Variants in PTPRR observed in about 807,000 individuals in gnomAD.
PTPRR encodes the protein protein tyrosine phosphatase receptor type R, also known as receptor-type tyrosine-protein phosphatase R.
Under a neutral mutation model 77.2 loss-of-function variants are expected in PTPRR, and 38 were observed. That is an observed-to-expected ratio of 0.49 (90% confidence interval 0.38 to 0.65). The LOEUF (loss-of-function observed/expected upper bound fraction) is 0.65, where lower values mean the gene tolerates loss of function less well. PTPRR is among the 30% of genes least tolerant of loss of function. The pLI, the probability that PTPRR is intolerant of heterozygous loss-of-function variation, is 0.00. For synonymous variants in PTPRR, 299 were observed against 283.1 expected, an observed-to-expected ratio of 1.06 and a Z score of -0.57; for missense variants, 744 against 799.2, an observed-to-expected ratio of 0.93 and a Z score of 0.83.
At chr12:70,751,295 T>G (rs796994384) in intron 5 of PTPRR, among the ~76,000 whole-genome samples, 18 of 152,076 alleles carry the variant, frequency 1.2e-4, no homozygotes, top group African/African-American at 4.3e-4. Context: ...TTCAAATAGA[T>G]CTCAATCCTT....
chr12:70,771,571 G>T (rs938518668), intron 2 of PTPRR, among the ~76,000 whole-genome samples: 3 of 152,102 alleles, frequency 2.0e-5, no homozygotes, highest in African/African-American at 7.2e-5. Context: ...TAAAAAGATG[G>T]TATATTATAT....
At chr12:70,917,468 C>G (rs7302918) in intron 1 of PTPRR, among the ~76,000 whole-genome samples, 88,197 of 151,972 alleles carry the variant, frequency 0.58, 27,612 homozygotes, top group African/African-American at 0.83. Flanking sequence ...TGGACAATAA[C>G]CACAACTTCC....
At chr12:70,701,362 CTTATT>C (rs1592685984) in intron 6 of PTPRR, 39 bp from the exon 7 acceptor site, 1 of 1,575,454 alleles carries the variant, frequency 6.3e-7, no homozygotes, top group African/African-American at 1.4e-5. Context: ...ACACCACATA[CTTATT>C]TTGATTGCAA....
intron 2 of PTPRR, among the ~76,000 whole-genome samples, chr12:70,809,296 C>A (rs1338058989): frequency 6.6e-6 from 1 of 152,098 alleles, no homozygotes; most frequent in Non-Finnish European, 1.5e-5. Flanking sequence ...AAGGCAAATG[C>A]AAAGGATGGA....
At chr12:70,816,680 C>A (rs555307308) in intron 2 of PTPRR, among the ~76,000 whole-genome samples, 89 of 151,860 alleles carry the variant, frequency 5.9e-4, no homozygotes, top group African/African-American at 2.1e-3. Flanking sequence ...CATCCAGAAA[C>A]CACAGGTCTA....
intron 2 of PTPRR, among the ~76,000 whole-genome samples, chr12:70,888,211 A>G (rs977052381): frequency 6.6e-6 from 1 of 152,222 alleles, no homozygotes; most frequent in Non-Finnish European, 1.5e-5. Flanking sequence ...TGTAACAATT[A>G]TATGAGATAA....
At chr12:70,649,571 C>A (rs1886320062) in intron 13 of PTPRR, among the ~76,000 whole-genome samples, 2 of 152,048 alleles carry the variant, frequency 1.3e-5, no homozygotes, top group African/African-American at 2.4e-5. Context: ...TTGGTTCCAC[C>A]ATTCCTTTCC....
intron 2 of PTPRR, among the ~76,000 whole-genome samples, chr12:70,841,196 C>G (rs1381458060): frequency 6.6e-6 from 1 of 151,686 alleles, no homozygotes; most frequent in African/African-American, 2.4e-5. Flanking sequence ...CTTACCCCCC[C>G]AACAAAAAAA....
intron 1 of PTPRR, among the ~76,000 whole-genome samples, chr12:70,914,290 T>C (rs967433490): frequency 6.6e-6 from 1 of 152,188 alleles, no homozygotes; most frequent in Non-Finnish European, 1.5e-5. Context: ...CTAATGAGTT[T>C]GGAGTTTATT....
chr12:70,905,796 G>C (rs1253766112), intron 1 of PTPRR, among the ~76,000 whole-genome samples: 1 of 151,892 alleles, frequency 6.6e-6, no homozygotes, highest in Non-Finnish European at 1.5e-5. Context: ...ACTTGTGAAA[G>C]AAAGAATAAA....
rs554391098 is a variant in PTPRR, at chr12:70,800,194, C to T, written c.358-35416G>A. Among the ~76,000 whole-genome samples, 170 of 151,866 alleles carry T rather than the reference C, an allele frequency of 1.1e-3. 1 individual carries two copies. Among genetic ancestry groups the T allele is most frequent in the African/African-American group, 3.8e-3 (157 of 41,456 alleles). On this transcript the variant is annotated intron_variant, in intron 2 of 13. Transcript: ENST00000283228. The stretch of plus-strand genomic sequence containing the variant: ...AAACACCTGGAGTGCATGATCAAGC[C>T]GCTTCCTGTCTCTTGAAATCTGTCT...
At chr12:70,802,310 T>G (rs1891630602) in intron 2 of PTPRR, among the ~76,000 whole-genome samples, 1 of 152,228 alleles carries the variant, frequency 6.6e-6, no homozygotes, top group Non-Finnish European at 1.5e-5. Flanking sequence ...TGTCTTTTCA[T>G]GATTGATGAA....
intron 10 of PTPRR, among the ~76,000 whole-genome samples, chr12:70,676,019 A>AT (rs1887432964): frequency 2.0e-5 from 3 of 151,406 alleles, no homozygotes; most frequent in Admixed American, 6.6e-5. Context: ...TGCTTTTTAG[A>AT]TTTTTGAACT....
chr12:70,763,395 G>A (rs936166000), intron 3 of PTPRR, among the ~76,000 whole-genome samples: 2 of 152,158 alleles, frequency 1.3e-5, no homozygotes, highest in African/African-American at 4.8e-5. Flanking sequence ...GCCTCCCAAA[G>A]TTCTGGGATT....
intron 2 of PTPRR, among the ~76,000 whole-genome samples, chr12:70,789,387 T>C (rs1891385747): frequency 2.6e-5 from 4 of 152,136 alleles, no homozygotes; most frequent in Admixed American, 2.6e-4. Context: ...TTTATAGATA[T>C]CTTATTTTAG....
intron 1 of PTPRR, among the ~76,000 whole-genome samples, chr12:70,900,165 A>C (rs1893506449): frequency 6.6e-6 from 1 of 151,502 alleles, no homozygotes; most frequent in Non-Finnish European, 1.5e-5. Flanking sequence ...TCTAAAATTT[A>C]CATAGAAAGG....
At chr12:70,879,877 A>G (rs1893119007) in intron 2 of PTPRR, among the ~76,000 whole-genome samples, 1 of 152,224 alleles carries the variant, frequency 6.6e-6, no homozygotes, top group Non-Finnish European at 1.5e-5. Context: ...AAATTAGAGG[A>G]AAAATGAGTG....
At chr12:70,854,219 C>T (rs959776156) in intron 2 of PTPRR, among the ~76,000 whole-genome samples, 8 of 152,168 alleles carry the variant, frequency 5.3e-5, no homozygotes, top group African/African-American at 1.9e-4. Flanking sequence ...TTTTGGGAAT[C>T]ACATTCAACT....
chr12:70,730,792 C>A (rs181622937), intron 6 of PTPRR, among the ~76,000 whole-genome samples: 1 of 151,476 alleles, frequency 6.6e-6, no homozygotes, highest in East Asian at 1.9e-4. Flanking sequence ...CCACGCCACT[C>A]CAGCTTGGGG....
Sources: gnomAD v4.1 joint callset for allele counts (sites outside exome capture counted in the v4.1 genomes callset) on GRCh38, gnomAD v4.1.1 for gene constraint, MANE v1.5 for transcripts, NCBI Gene and HGNC (gene_info 2026-07-23, HGNC 2026-07-21) for gene names.